Variants in NBEA observed in about 807,000 individuals in gnomAD.
The protein encoded by NBEA is neurobeachin.
NBEA carries 44 observed loss-of-function variants against 343.4 expected under a neutral mutation model. That is an observed-to-expected ratio of 0.13 (90% CI 0.10 to 0.16). The LOEUF is 0.16. Among genes scored for constraint, NBEA ranks in the 10% least tolerant of loss-of-function variants. The pLI is 1.00. For synonymous variants in NBEA, 1,175 were observed against 1,238.7 expected, an observed-to-expected ratio of 0.95 and a Z score of 1.08; for missense variants, 2,555 against 3,631.3, an observed-to-expected ratio of 0.70 and a Z score of 7.62.
intron 1 of NBEA, among the ~76,000 whole-genome samples, chr13:34,954,135 A>G (rs1404810368): frequency 1.3e-5 from 2 of 152,206 alleles, no homozygotes; most frequent in African/African-American, 4.8e-5. Context: ...ACATTGTATT[A>G]GGTATTATCT....
intron 41 of NBEA, among the ~76,000 whole-genome samples, chr13:35,505,282 T>C (rs187009277): frequency 4.6e-4 from 70 of 152,280 alleles, no homozygotes; most frequent in African/African-American, 1.7e-3. Flanking sequence ...GACCTATAAA[T>C]AGCTAACTAT....
At chr13:35,474,272 AAAGT>A (rs2075771256) in intron 41 of NBEA, 1 of 152,648 alleles carries the variant, frequency 6.6e-6, no homozygotes, top group Non-Finnish European at 1.5e-5. Flanking sequence ...CTAAATCACA[AAAGT>A]AATTATCCAG....
intron 31 of NBEA, among the ~76,000 whole-genome samples, chr13:35,206,632 C>CA (rs142283830): frequency 0.13 from 19,107 of 151,928 alleles, 1,341 homozygotes; most frequent in South Asian, 0.19. Flanking sequence ...ATCTCATAGA[C>CA]AAAAATATAT....
intron 19 of NBEA, 52 bp downstream of exon 19, chr13:35,155,907 T>A: frequency 6.5e-7 from 1 of 1,546,152 alleles, no homozygotes; most frequent in East Asian, 2.2e-5. Context: ...TGGCAACATA[T>A]GAGACTAAAT....
At chr13:35,271,442 C>T (rs2034141340) in intron 34 of NBEA, among the ~76,000 whole-genome samples, 1 of 152,146 alleles carries the variant, frequency 6.6e-6, no homozygotes, top group Non-Finnish European at 1.5e-5. Context: ...AATCAGAATG[C>T]CTCTGCTCCT....
chr13:35,440,020 C>G (rs966421556), intron 39 of NBEA, among the ~76,000 whole-genome samples: 3 of 152,196 alleles, frequency 2.0e-5, no homozygotes, highest in Non-Finnish European at 4.4e-5. Flanking sequence ...GCTGAGATTA[C>G]AGGCATGCGC....
intron 1 of NBEA, among the ~76,000 whole-genome samples, chr13:35,040,286 A>C (rs2062602391): frequency 6.6e-6 from 1 of 152,110 alleles, no homozygotes; most frequent in South Asian, 2.1e-4. Context: ...TGGGAGGGGC[A>C]GTATGACTTT....
At chr13:35,085,944 C>CA (rs2064735748) in intron 10 of NBEA, among the ~76,000 whole-genome samples, 1 of 152,030 alleles carries the variant, frequency 6.6e-6, no homozygotes, top group Non-Finnish European at 1.5e-5. Context: ...CAATAACAGA[C>CA]AAACAGCCAA....
chr13:35,647,342 G>A (rs1320055981), intron 51 of NBEA, among the ~76,000 whole-genome samples: 1 of 152,086 alleles, frequency 6.6e-6, no homozygotes, highest in Non-Finnish European at 1.5e-5. Flanking sequence ...TTAGAGTAAA[G>A]AGCTCTGGAA....
At chr13:35,645,537 C>G (rs1187753479) in intron 49 of NBEA, among the ~76,000 whole-genome samples, 1 of 152,030 alleles carries the variant, frequency 6.6e-6, no homozygotes, top group African/African-American at 2.4e-5. Context: ...AATCTCATTT[C>G]CAGCTACACA....
chr13:35,317,164 T>C (rs935391564), intron 36 of NBEA, among the ~76,000 whole-genome samples: 6 of 152,218 alleles, frequency 3.9e-5, no homozygotes, highest in African/African-American at 1.4e-4. Flanking sequence ...CTTTTGGTGT[T>C]TTAGTCGTGA....
At chr13:35,282,245 T>C (rs1395259010) in intron 34 of NBEA, among the ~76,000 whole-genome samples, 2 of 152,116 alleles carry the variant, frequency 1.3e-5, no homozygotes, top group Non-Finnish European at 2.9e-5. Context: ...AGCATTACTA[T>C]AGCCACTTTT....
intron 1 of NBEA, among the ~76,000 whole-genome samples, chr13:34,963,945 G>A (rs542742294): frequency 2.8e-4 from 43 of 151,928 alleles, no homozygotes; most frequent in Non-Finnish European, 5.6e-4. Flanking sequence ...TAGGTACCAG[G>A]GATTTTGCTA....
At chr13:35,169,491 T>C (rs1275664489) in intron 25 of NBEA, among the ~76,000 whole-genome samples, 2 of 151,526 alleles carry the variant, frequency 1.3e-5, no homozygotes, top group East Asian at 3.9e-4. Flanking sequence ...ATGGATTATA[T>C]GGACACCTTA....
At chr13:35,545,456 G>A (rs937683612) in intron 41 of NBEA, among the ~76,000 whole-genome samples, 5 of 152,126 alleles carry the variant, frequency 3.3e-5, no homozygotes, top group Non-Finnish European at 5.9e-5. Context: ...GAGCCCTGGG[G>A]TATAGTCCAA....
At chr13:35,133,102 C>T (rs1481732293) in intron 17 of NBEA, among the ~76,000 whole-genome samples, 1 of 151,956 alleles carries the variant, frequency 6.6e-6, no homozygotes, top group Non-Finnish European at 1.5e-5. Context: ...AAGATATTTG[C>T]AGTTTATCTA....
At chr13:35,390,645 T>G (rs1203571265) in intron 38 of NBEA, among the ~76,000 whole-genome samples, 1 of 152,184 alleles carries the variant, frequency 6.6e-6, no homozygotes, top group Non-Finnish European at 1.5e-5. Context: ...TAAGGCTATT[T>G]TAGAGATTAT....
chr13:35,468,203 A>G (rs752092996), intron 40 of NBEA, among the ~76,000 whole-genome samples: 4 of 148,398 alleles, frequency 2.7e-5, no homozygotes, highest in Non-Finnish European at 5.9e-5. Context: ...GCCTGCCTAT[A>G]TCTAAGCCTC....
In NBEA at chr13:35,584,692, G is replaced by A. The variant is rs139793044; in HGVS notation, c.7176+654G>A. Among the ~76,000 whole-genome samples the A allele has an allele frequency of 4.8e-3, 723 of 151,836 alleles. 3 individuals carry two copies. The highest frequency in any genetic ancestry group is 0.014 in the African/African-American group (562 of 41,398). On this transcript the variant is annotated intron_variant, in intron 46 of 58. Coordinates refer to ENST00000379939, the MANE Select transcript of NBEA (RefSeq NM_001385012.1). ...TTTTTGTATTTTTAGTAGAGACAGC[G>A]TTTCACCATGTTGGCCAGGCTGGTC...
Sources: allele counts gnomAD v4.1 joint callset (sites outside exome capture counted in the v4.1 genomes callset), GRCh38; gene constraint gnomAD v4.1.1; transcripts MANE v1.5; gene names NCBI Gene and HGNC (gene_info 2026-07-23, HGNC 2026-07-21).